The following GABRG3 variants were observed in gnomAD, a reference collection of about 807,000 sequenced individuals.
The protein encoded by GABRG3 is gamma-aminobutyric acid type A receptor subunit gamma3.
A neutral mutation model predicts 48.8 loss-of-function variants in GABRG3; 25 were observed. The observed-to-expected ratio is 0.51, with a 90% confidence interval of 0.37 to 0.72. GABRG3 has a LOEUF of 0.72. Among genes scored for constraint, GABRG3 ranks in the 30% least tolerant of loss-of-function variants. The probability of loss-of-function intolerance (pLI) is 0.00; values close to 1 mark genes in which losing one functional copy is unlikely to be tolerated. For missense variants in GABRG3, 394 were observed against 577.9 expected (o/e 0.68, Z 3.26); for synonymous variants, 227 against 217.6 (o/e 1.04, Z -0.38).
At chr15:27,204,391 T>G (rs1034225272) in intron 3 of GABRG3, among the ~76,000 whole-genome samples, 45 of 152,112 alleles carry the variant, frequency 3.0e-4, no homozygotes, top group African/African-American at 1.1e-3. Context: ...TTCTCTGACT[T>G]GTTGCATTGG....
rs921433304 is a variant in GABRG3, at chr15:27,537,369, G to T, written c.*4488G>T. 6.6e-6 allele frequency: 1 copy of T among 152,190 alleles called. No homozygotes were observed. The highest frequency in any genetic ancestry group is 1.5e-5 in the Non-Finnish European group (1 of 68,040). The allele number at this position is 152,190 out of a possible 1,614,324, so 9.4% of individuals were successfully genotyped here. A position where few individuals can be genotyped will look rare whatever the true frequency, so the allele number is the denominator to read the frequency against. On this transcript the variant is annotated 3_prime_UTR_variant, in exon 10 of 10. Coordinates refer to ENST00000615808, the MANE Select transcript of GABRG3 (RefSeq NM_033223.5). ...CTTCCAATTTCCCAAAATTGAGAAAGTGTGTAATCTGTACCTATTTTTTTT... is the reference window on the plus strand; with the variant it reads ...CTTCCAATTTCCCAAAATTGAGAAATTGTGTAATCTGTACCTATTTTTTTT...
chr15:27,341,148 C>T (rs530327318), intron 5 of GABRG3: 1 of 267,224 alleles, frequency 3.7e-6, no homozygotes, highest in East Asian at 8.3e-5. Context: ...TTATATGTGG[C>T]TTTCCAGAAT....
intron 3 of GABRG3, among the ~76,000 whole-genome samples, chr15:27,058,184 T>C (rs1896584748): frequency 6.6e-6 from 1 of 152,158 alleles, no homozygotes; most frequent in African/African-American, 2.4e-5. Context: ...TCAGAACACA[T>C]GGATCTTAAA....
intron 5 of GABRG3, among the ~76,000 whole-genome samples, chr15:27,432,697 A>G (rs187470520): frequency 6.6e-6 from 1 of 152,296 alleles, no homozygotes; most frequent in East Asian, 1.9e-4. Flanking sequence ...AAAATTTCTC[A>G]TATCATGAAA....
chr15:27,161,513 C>T (rs1887192639), intron 3 of GABRG3, among the ~76,000 whole-genome samples: 1 of 152,144 alleles, frequency 6.6e-6, no homozygotes, highest in Non-Finnish European at 1.5e-5. Context: ...TGAAGAAAAG[C>T]TCTTAAAGAA....
At chr15:27,128,458 G>A (rs900213097) in intron 3 of GABRG3, among the ~76,000 whole-genome samples, 3 of 152,290 alleles carry the variant, frequency 2.0e-5, no homozygotes, top group East Asian at 1.9e-4. Flanking sequence ...TCCATTGAGC[G>A]AGTCATCTGC....
At chr15:27,517,224 A>G (rs987753395) in intron 6 of GABRG3, among the ~76,000 whole-genome samples, 1 of 145,332 alleles carries the variant, frequency 6.9e-6, no homozygotes, top group African/African-American at 2.6e-5. Flanking sequence ...TATCATGCAC[A>G]CCTCCATATT....
intron 5 of GABRG3, among the ~76,000 whole-genome samples, chr15:27,401,733 A>G (rs1353638821): frequency 6.6e-6 from 1 of 152,252 alleles, no homozygotes; most frequent in African/African-American, 2.4e-5. Flanking sequence ...GAGTTGTGCA[A>G]TGCCAAGATT....
chr15:26,993,624 G>A (rs1197806574), intron 2 of GABRG3, among the ~76,000 whole-genome samples: 1 of 151,930 alleles, frequency 6.6e-6, no homozygotes, highest in African/African-American at 2.4e-5. Flanking sequence ...CATAACATAT[G>A]GTATACCCTT....
intron 3 of GABRG3, among the ~76,000 whole-genome samples, chr15:27,183,729 C>T (rs1355894605): frequency 6.6e-6 from 1 of 152,202 alleles, no homozygotes; most frequent in Non-Finnish European, 1.5e-5. Flanking sequence ...TGTTACTCAT[C>T]CACATAATCT....
chr15:27,260,581 G>C lies in GABRG3; in HGVS notation c.271-66228G>C, dbSNP rs903070112. Among the ~76,000 whole-genome samples the C allele has an allele frequency of 3.3e-5, 5 of 152,156 alleles. No individual in the cohort carries two copies. In the East Asian group the frequency reaches 9.6e-4, roughly 29 times the overall value. ...GCTGGAGGATGTGCATAGGTTAGAC[G>C]CAAACACCATGCCATTTTATCTCAG... is the stretch of plus-strand genomic sequence containing the variant. On this transcript the variant is annotated intron_variant, in intron 3 of 9. Transcript: ENST00000615808.
At chr15:27,316,107 G>T (rs985159521) in intron 3 of GABRG3, among the ~76,000 whole-genome samples, 3 of 152,076 alleles carry the variant, frequency 2.0e-5, no homozygotes, top group Admixed American at 6.6e-5. Context: ...AAAATGGGCC[G>T]GGCGCGGTGG....
At chr15:27,286,270 A>G (rs751173642) in intron 3 of GABRG3, among the ~76,000 whole-genome samples, 19 of 152,346 alleles carry the variant, frequency 1.2e-4, no homozygotes, top group Non-Finnish European at 2.5e-4. Context: ...ACAAAGTTAA[A>G]TGAGGTAGCC....
intron 3 of GABRG3, among the ~76,000 whole-genome samples, chr15:27,075,208 G>C (rs182909214): frequency 6.8e-4 from 103 of 152,176 alleles, no homozygotes; most frequent in African/African-American, 2.3e-3. Flanking sequence ...TAACTGAAAG[G>C]CTTCCCTCTT....
At chr15:27,313,167 ATT>A (rs1369269225) in intron 3 of GABRG3, among the ~76,000 whole-genome samples, 4 of 144,304 alleles carry the variant, frequency 2.8e-5, no homozygotes, top group African/African-American at 1.0e-4. Context: ...AAAAGAGTCA[ATT>A]CAGCAGAAAC....
intron 5 of GABRG3, among the ~76,000 whole-genome samples, chr15:27,358,040 C>A (rs1894898217): frequency 6.6e-6 from 1 of 152,194 alleles, no homozygotes; most frequent in African/African-American, 2.4e-5. Context: ...ATTTATTAGT[C>A]TCCCAACCAA....
intron 5 of GABRG3, among the ~76,000 whole-genome samples, chr15:27,436,540 C>T (rs1696179649): frequency 1.3e-5 from 2 of 152,196 alleles, no homozygotes; most frequent in African/African-American, 4.8e-5. Flanking sequence ...GGGGCAATGT[C>T]AAACATGTTG....
intron 3 of GABRG3, among the ~76,000 whole-genome samples, chr15:27,263,303 C>T (rs1286641934): frequency 2.0e-5 from 3 of 152,196 alleles, no homozygotes; most frequent in Non-Finnish European, 4.4e-5. Flanking sequence ...CCCCTGTGGT[C>T]AGTCATCTGT....
At chr15:26,988,763 C>T (rs941501749) in intron 2 of GABRG3, among the ~76,000 whole-genome samples, 17 of 151,998 alleles carry the variant, frequency 1.1e-4, no homozygotes, top group African/African-American at 4.1e-4. Context: ...GCCGTAACTA[C>T]AATTTTATAT....
Sources: gnomAD v4.1 joint callset for allele counts (sites outside exome capture counted in the v4.1 genomes callset) on GRCh38, gnomAD v4.1.1 for gene constraint, MANE v1.5 for transcripts, NCBI Gene and HGNC (gene_info 2026-07-23, HGNC 2026-07-21) for gene names.